The following RALGPS1 variants were observed in gnomAD, a reference collection of about 807,000 sequenced individuals.
RALGPS1 encodes the protein Ral GEF with PH domain and SH3 binding motif 1, also known as ras-specific guanine nucleotide-releasing factor RalGPS1.
In RALGPS1, 19 loss-of-function variants were observed where a neutral mutation model predicts 78.8. The observed-to-expected ratio is 0.24, with a 90% CI of 0.17 to 0.35. RALGPS1 has a LOEUF of 0.35. Ranked by LOEUF, RALGPS1 falls within the 10% of genes least tolerant of loss-of-function variation. RALGPS1 has a pLI of 1.00. For missense variants in RALGPS1, 454 were observed against 688.3 expected (o/e 0.66, Z 3.81); for synonymous variants, 228 against 256.3 (o/e 0.89, Z 1.06).
At chr9:126,938,377 G>A (rs1283850494) in intron 1 of RALGPS1, among the ~76,000 whole-genome samples, 2 of 152,218 alleles carry the variant, frequency 1.3e-5, no homozygotes, top group East Asian at 1.9e-4. Flanking sequence ...TTTAGGTGGT[G>A]TAGTAGCCAT....
chr9:126,959,033 C>G (rs1333357123), intron 1 of RALGPS1, among the ~76,000 whole-genome samples: 2 of 148,344 alleles, frequency 1.3e-5, no homozygotes, highest in African/African-American at 4.9e-5. Context: ...GATGGCATTT[C>G]TCTTGTTAGC....
At chr9:126,992,515 A>G (rs2042372140) in intron 4 of RALGPS1, among the ~76,000 whole-genome samples, 1 of 152,204 alleles carries the variant, frequency 6.6e-6, no homozygotes. Flanking sequence ...GCATTTCAAT[A>G]TGCATTTTAG....
intron 4 of RALGPS1, among the ~76,000 whole-genome samples, chr9:127,018,626 G>C (rs184399954): frequency 1.4e-5 from 2 of 145,152 alleles, no homozygotes; most frequent in South Asian, 4.5e-4. Context: ...GTGAGACTCT[G>C]TCTCAAAAAA....
chr9:127,198,119 C>A (rs560964692), intron 13 of RALGPS1, among the ~76,000 whole-genome samples: 1 of 152,240 alleles, frequency 6.6e-6, no homozygotes, highest in African/African-American at 2.4e-5. Context: ...TGGTTCCCGG[C>A]TCCTCAAGTT....
chr9:127,034,470 A>C lies in RALGPS1; in HGVS notation c.256A>C (p.Ser86Arg), dbSNP rs769777927. The C allele has an allele frequency of 3.7e-6, 6 of 1,614,172 alleles. No individual in the cohort carries two copies. The highest frequency in any genetic ancestry group is 4.2e-6 in the Non-Finnish European group (5 of 1,180,000). Reference protein sequence around the residue: ...SCGWSKKEKHSLAPNVVAFTR... With the variant: ...SCGWSKKEKHRLAPNVVAFTR... Reference sequence around the variant, plus strand: ...TGGATGGAGTAAGAAGGAGAAACACAGTCTTGCCCCTAACGTTGTGGCCTT... The same window carrying C: ...TGGATGGAGTAAGAAGGAGAAACACCGTCTTGCCCCTAACGTTGTGGCCTT... The change falls in exon 5 of 19, where the codon AGT becomes CGT. Residue 86 changes from serine (S) to arginine (R), a missense_variant. Physicochemically the swap from Ser to Arg is moderately radical, Grantham distance 110. Coordinates refer to ENST00000259351, the MANE Select transcript of RALGPS1 (RefSeq NM_014636.3).
chr9:127,170,544 C>T (rs953597074), intron 10 of RALGPS1, among the ~76,000 whole-genome samples: 22 of 152,120 alleles, frequency 1.4e-4, no homozygotes, highest in African/African-American at 4.3e-4. Context: ...TATTTATTTA[C>T]GAAGCATTGG....
chr9:126,962,005 A>G (rs2038939455), intron 1 of RALGPS1, among the ~76,000 whole-genome samples: 1 of 152,220 alleles, frequency 6.6e-6, no homozygotes, highest in South Asian at 2.1e-4. Context: ...AAATCTTCCA[A>G]TTTTTAAATG....
At chr9:127,050,818 C>T (rs1172783202) in intron 6 of RALGPS1, among the ~76,000 whole-genome samples, 1 of 152,226 alleles carries the variant, frequency 6.6e-6, no homozygotes, top group Non-Finnish European at 1.5e-5. Context: ...CAGCATCGTG[C>T]TGGCTGTTTC....
At chr9:127,017,834 A>G (rs2045008605) in intron 4 of RALGPS1, among the ~76,000 whole-genome samples, 1 of 152,182 alleles carries the variant, frequency 6.6e-6, no homozygotes, top group South Asian at 2.1e-4. Context: ...TCAGCATCGT[A>G]AATATCACTG....
At chr9:127,053,332 G>T (rs1406612428) in intron 7 of RALGPS1, among the ~76,000 whole-genome samples, 1 of 152,128 alleles carries the variant, frequency 6.6e-6, no homozygotes, top group Non-Finnish European at 1.5e-5. Flanking sequence ...TAGCCATACC[G>T]CTAAGTTTCT....
chr9:127,209,483 CTG>C (rs1282524958), intron 14 of RALGPS1, among the ~76,000 whole-genome samples: 1 of 152,204 alleles, frequency 6.6e-6, no homozygotes, highest in Admixed American at 6.5e-5. Flanking sequence ...CCTCTCTTGT[CTG>C]TGCTACAGCT....
intron 1 of RALGPS1, among the ~76,000 whole-genome samples, chr9:126,923,851 A>G (rs2035010695): frequency 6.6e-6 from 1 of 152,196 alleles, no homozygotes; most frequent in Admixed American, 6.5e-5. Flanking sequence ...TAAGATTAGA[A>G]GTTACTTGCT....
At chr9:127,139,106 C>G (rs931452732) in intron 8 of RALGPS1, among the ~76,000 whole-genome samples, 16 of 152,204 alleles carry the variant, frequency 1.1e-4, no homozygotes, top group African/African-American at 3.9e-4. Flanking sequence ...AAGCCAGGGA[C>G]AGACCTCAGG....
At chr9:127,160,357 C>T (rs2058950617) in intron 8 of RALGPS1, among the ~76,000 whole-genome samples, 1 of 152,196 alleles carries the variant, frequency 6.6e-6, no homozygotes, top group Non-Finnish European at 1.5e-5. Context: ...GGCCACCTGC[C>T]CCTTGTGTTG....
intron 1 of RALGPS1, among the ~76,000 whole-genome samples, chr9:126,949,614 T>C (rs1408829438): frequency 1.3e-5 from 2 of 152,240 alleles, no homozygotes; most frequent in African/African-American, 4.8e-5. Flanking sequence ...ATGTCTTCTT[T>C]TGAGAAGTGT....
At chr9:127,174,445 CCTCAT>C (rs1325857473) in intron 10 of RALGPS1, among the ~76,000 whole-genome samples, 13 of 152,282 alleles carry the variant, frequency 8.5e-5, no homozygotes, top group Middle Eastern at 3.4e-3. Flanking sequence ...TCCTCAGTTT[CCTCAT>C]CTAGAAAATG....
chr9:126,916,206 A>G (rs1017118913), intron 1 of RALGPS1, among the ~76,000 whole-genome samples: 1 of 152,162 alleles, frequency 6.6e-6, no homozygotes, highest in Non-Finnish European at 1.5e-5. Context: ...TCTAGTTAAG[A>G]GGTGAGACTA....
intron 4 of RALGPS1, among the ~76,000 whole-genome samples, chr9:126,991,626 G>A (rs1445089716): frequency 6.6e-6 from 1 of 152,132 alleles, no homozygotes; most frequent in Non-Finnish European, 1.5e-5. Flanking sequence ...CATAAGTTTT[G>A]GAGGCAGGAA....
At position 127,212,694 on chromosome 9, in the gene RALGPS1, C is replaced by A; in HGVS notation, c.1421C>A (p.Ser474Tyr). The change falls in exon 16 of 19, where the codon TCC becomes TAC. Residue 474 changes from serine to tyrosine, a missense_variant. Coordinates refer to ENST00000259351, the MANE Select transcript of RALGPS1 (RefSeq NM_014636.3). This position sits in a 1 kb window ranked among gnomAD's most constrained non-coding sequence, Gnocchi z 6.0. The stretch of plus-strand genomic sequence containing the variant: ...ACCCTCCTGTACTACGGAGCCAAGT[C>A]CTTGCGGGGCACAGACAGAAAACAC... ...GSTLLYYGAK[S>Y]LRGTDRKHYK... is the part of the protein sequence containing the mutation. 1 of 1,613,262 alleles carries A rather than the reference C, an allele frequency of 6.2e-7. No individual in the cohort carries two copies.
Sources: allele counts gnomAD v4.1 joint callset (sites outside exome capture counted in the v4.1 genomes callset), GRCh38; gene constraint gnomAD v4.1.1; non-coding constraint Gnocchi (gnomAD v3.1); transcripts MANE v1.5; gene names NCBI Gene and HGNC (gene_info 2026-07-23, HGNC 2026-07-21).